NRG3: variants seen among roughly 807,000 people sequenced by gnomAD.
NRG3 encodes the protein neuregulin 3, also known as pro-neuregulin-3, membrane-bound isoform.
Under a neutral mutation model 66.9 loss-of-function variants are expected in NRG3, and 31 were observed. That is an observed-to-expected ratio of 0.46 (90% CI 0.35 to 0.63). The LOEUF is 0.63. NRG3 is among the 20% of genes least tolerant of loss of function. NRG3 has a pLI of 0.00. For missense variants in NRG3, 910 were observed against 878.9 expected, an observed-to-expected ratio of 1.04 and a Z score of -0.45; for synonymous variants, 393 against 359.4, an observed-to-expected ratio of 1.09 and a Z score of -1.06.
chr10:82,824,329 T>C (rs1027476490), intron 3 of NRG3, among the ~76,000 whole-genome samples: 5 of 152,242 alleles, frequency 3.3e-5, no homozygotes, highest in Non-Finnish European at 5.9e-5. Flanking sequence ...TCTTTGAATA[T>C]TCATGTGCAA....
At chr10:81,906,544 T>G (rs937418777) in intron 1 of NRG3, among the ~76,000 whole-genome samples, 1 of 152,148 alleles carries the variant, frequency 6.6e-6, no homozygotes, top group African/African-American at 2.4e-5. Flanking sequence ...TGGGAGTATG[T>G]TTGTCCTGTG....
intron 1 of NRG3, among the ~76,000 whole-genome samples, chr10:82,023,864 A>T (rs1482684647): frequency 6.6e-6 from 1 of 152,076 alleles, no homozygotes; most frequent in Admixed American, 6.6e-5. Flanking sequence ...TGATGGGCCC[A>T]TAGAATGAGT....
chr10:82,798,472 T>C (rs2060894670), intron 3 of NRG3, among the ~76,000 whole-genome samples: 1 of 152,072 alleles, frequency 6.6e-6, no homozygotes, highest in Non-Finnish European at 1.5e-5. Flanking sequence ...AGTTGTGAGA[T>C]AGCACAGAGC....
chr10:82,718,123 G>T (rs572686429), intron 2 of NRG3, among the ~76,000 whole-genome samples: 1 of 152,280 alleles, frequency 6.6e-6, no homozygotes, highest in East Asian at 1.9e-4. Context: ...ACATATACTA[G>T]TCTGCTAGCT....
intron 3 of NRG3, among the ~76,000 whole-genome samples, chr10:82,747,118 G>T (rs2058679151): frequency 6.6e-6 from 1 of 151,828 alleles, no homozygotes; most frequent in South Asian, 2.1e-4. Flanking sequence ...AACACCATCA[G>T]GATTATACTA....
chr10:81,970,182 A>T (rs1203335469), intron 1 of NRG3, among the ~76,000 whole-genome samples: 1 of 152,240 alleles, frequency 6.6e-6, no homozygotes, highest in African/African-American at 2.4e-5. Context: ...TTACAGGAAC[A>T]GAGGAAAAGT....
At chr10:82,844,610 C>T (rs914868627) in intron 3 of NRG3, among the ~76,000 whole-genome samples, 1 of 150,274 alleles carries the variant, frequency 6.7e-6, no homozygotes, top group African/African-American at 2.4e-5. Flanking sequence ...TACAACTTAA[C>T]AACATTTTAC....
rs371557272 is a variant in NRG3 at position 81,915,324 on chromosome 10, C to T, written c.823+39161C>T. Among the ~76,000 whole-genome samples the T allele has an allele frequency of 3.3e-5, 5 of 152,180 alleles. No homozygotes were observed. The East Asian group carries it at 7.7e-4, about 24-fold the overall frequency. ...TGAGTATAAAAGCATGTGCTCTGCT[C>T]GTGGTTGGTCAGCTGCCTTGGAGAG... On this transcript the variant is annotated intron_variant, in intron 1 of 8. Transcript: ENST00000372141.
At chr10:82,541,754 A>T (rs1565047306) in intron 2 of NRG3, among the ~76,000 whole-genome samples, 1 of 152,090 alleles carries the variant, frequency 6.6e-6, no homozygotes, top group Non-Finnish European at 1.5e-5. Flanking sequence ...AGACAATATG[A>T]GGGGTGGTCT....
At chr10:82,113,116 TA>T (rs1354114088) in intron 1 of NRG3, among the ~76,000 whole-genome samples, 1 of 152,182 alleles carries the variant, frequency 6.6e-6, no homozygotes, top group Non-Finnish European at 1.5e-5. Context: ...GTAGGGATTG[TA>T]AGGCATTCGG....
At chr10:82,573,346 CAGATA>C (rs1024294690) in intron 2 of NRG3, among the ~76,000 whole-genome samples, 1 of 151,792 alleles carries the variant, frequency 6.6e-6, no homozygotes, top group Non-Finnish European at 1.5e-5. Context: ...AAGTTTACTT[CAGATA>C]AGTTTGTTTA....
chr10:81,925,611 T>C (rs1564662701), intron 1 of NRG3, among the ~76,000 whole-genome samples: 1 of 152,198 alleles, frequency 6.6e-6, no homozygotes, highest in Non-Finnish European at 1.5e-5. Flanking sequence ...TCAATCCAGA[T>C]GAGTGATGAA....
At chr10:82,919,517 G>A (rs750672980) in intron 4 of NRG3, among the ~76,000 whole-genome samples, 5 of 152,140 alleles carry the variant, frequency 3.3e-5, no homozygotes, top group Non-Finnish European at 7.4e-5. Context: ...CACTATGCAT[G>A]AATAAACCTT....
chr10:82,373,620 T>C (rs1589889924), intron 2 of NRG3, among the ~76,000 whole-genome samples: 1 of 152,106 alleles, frequency 6.6e-6, no homozygotes, highest in Admixed American at 6.5e-5. Flanking sequence ...AGGCTAATAA[T>C]AGGACAAGGG....
rs73320383 is a variant in NRG3, at chr10:82,151,956, G to A, written c.824-206783G>A. Among the ~76,000 whole-genome samples the A allele has an allele frequency of 5.1e-3, 772 of 151,552 alleles. 7 individuals carry two copies. Among genetic ancestry groups the A allele is most frequent in the African/African-American group, 0.018 (729 of 40,834 alleles). On this transcript the variant is annotated intron_variant, in intron 1 of 8. Transcript: ENST00000372141. ...AGTACATGTTTTTTTAGGTCATTAAGAGGATTAAATAGATAGAATATAAAA... is the reference window on the plus strand; with the variant it reads ...AGTACATGTTTTTTTAGGTCATTAAAAGGATTAAATAGATAGAATATAAAA...
intron 2 of NRG3, among the ~76,000 whole-genome samples, chr10:82,374,565 T>C (rs891012798): frequency 1.3e-5 from 2 of 152,218 alleles, no homozygotes; most frequent in African/African-American, 4.8e-5. Context: ...CTAGTGTTTC[T>C]CAAACTCTAG....
At chr10:82,688,967 T>C (rs1467591187) in intron 2 of NRG3, among the ~76,000 whole-genome samples, 2 of 152,160 alleles carry the variant, frequency 1.3e-5, no homozygotes, top group African/African-American at 4.8e-5. Flanking sequence ...ACTCTATAAT[T>C]TGTATATCTG....
intron 1 of NRG3, among the ~76,000 whole-genome samples, chr10:82,109,611 T>C (rs1036392344): frequency 1.5e-4 from 23 of 149,792 alleles, no homozygotes; most frequent in African/African-American, 5.1e-4. Flanking sequence ...TTGATTCCAA[T>C]GCTCTGAACT....
chr10:82,182,733 A>G (rs1156427435), intron 1 of NRG3, among the ~76,000 whole-genome samples: 3 of 151,736 alleles, frequency 2.0e-5, no homozygotes, highest in South Asian at 2.1e-4. Flanking sequence ...TGAACTTTAT[A>G]TTTTATATGT....
Sources: gnomAD v4.1 joint callset for allele counts (sites outside exome capture counted in the v4.1 genomes callset) on GRCh38, gnomAD v4.1.1 for gene constraint, MANE v1.5 for transcripts, NCBI Gene and HGNC (gene_info 2026-07-23, HGNC 2026-07-21) for gene names.